DYNLT2B: variants seen among roughly 807,000 people sequenced by gnomAD.
The protein encoded by DYNLT2B is dynein light chain Tctex-type protein 2B.
DYNLT2B carries 14 observed loss-of-function variants against 19.5 expected under a neutral mutation model. The observed-to-expected ratio is 0.72, with a 90% CI of 0.47 to 1.12. DYNLT2B has a LOEUF of 1.12. DYNLT2B is among the 50% of genes most tolerant of loss of function. The pLI, the probability that DYNLT2B is intolerant of heterozygous loss-of-function variation, is 0.00. For missense variants in DYNLT2B, 133 were observed against 174.7 expected, an observed-to-expected ratio of 0.76 and a Z score of 1.35; for synonymous variants, 70 against 59.7, an observed-to-expected ratio of 1.17 and a Z score of -0.79.
intron 4 of DYNLT2B, 35 bp from the exon 5 acceptor site, chr3:196,291,409 A>G (rs756062545): frequency 1.9e-6 from 3 of 1,595,444 alleles, no homozygotes; most frequent in Non-Finnish European, 2.6e-6. Flanking sequence ...ACACATCCAG[A>G]ATGTTAGTAC....
At position 196,314,836 on chromosome 3, in the gene DYNLT2B, C is replaced by CA. The variant is rs902609745; in HGVS notation, c.247+1261dup. 6.4e-3 allele frequency among the ~76,000 whole-genome samples: 959 copies of CA among 148,890 alleles called. 16 individuals are homozygous for CA. The highest frequency in any genetic ancestry group is 0.021 in the African/African-American group (840 of 40,536). On this transcript the variant is annotated intron_variant, in intron 2 of 4. Coordinates refer to ENST00000325318, the MANE Select transcript of DYNLT2B (RefSeq NM_152773.5). ...ACCCTATTTCAAAAACAAAACAAAA[C>CA]AAAAAAAAACAAAACAATCAGAGAG...
rs573467978 is a variant in DYNLT2B at position 196,318,203 on chromosome 3, G to A, written c.-51C>T. ...GCTCGCGATGAAGGCCTAGCGGGTT[G>A]CGGTCGCGGCCGGCAGCAGGGAAAG... On this transcript the variant is annotated 5_prime_UTR_variant, in exon 1 of 5. Transcript: ENST00000325318. 2 of 1,146,358 alleles carry A rather than the reference G, an allele frequency of 1.7e-6. No individual in the cohort carries two copies. The highest frequency in any genetic ancestry group is 3.2e-5 in the African/African-American group (2 of 61,866). 71.0% of individuals were successfully genotyped at this position (1,146,358 alleles called of 1,614,324 possible).
At chr3:196,292,467 G>T (rs1726114944) in intron 4 of DYNLT2B, 1 of 152,108 alleles carries the variant, frequency 6.6e-6, no homozygotes, top group Non-Finnish European at 1.5e-5. Flanking sequence ...TTAACTTCCG[G>T]TCCTTCATGG....
chr3:196,307,129 G>A lies in DYNLT2B; in HGVS notation c.248-117C>T, dbSNP rs1222256554. On this transcript the variant is annotated intron_variant, in intron 2 of 4. Transcript: ENST00000325318. ...AATCCACAAGTACTTAATGAATATG[G>A]TGGTAAGCTTGGGGGTCAGGAGGAC... The A allele has an allele frequency of 3.6e-6, 3 of 839,036 alleles. No homozygotes were observed. The South Asian group carries it at 4.7e-5, about 13-fold the overall frequency. 52.0% of individuals were successfully genotyped at this position (839,036 alleles called of 1,614,324 possible). A position where few individuals can be genotyped will look rare whatever the true frequency, so the allele number is the denominator to read the frequency against.
chr3:196,312,071 G>T (rs1726657751), intron 2 of DYNLT2B, among the ~76,000 whole-genome samples: 1 of 152,136 alleles, frequency 6.6e-6, no homozygotes, highest in Non-Finnish European at 1.5e-5. Context: ...GTAGAGACAG[G>T]GTTTCTCCAT....
intron 1 of DYNLT2B, among the ~76,000 whole-genome samples, chr3:196,317,400 G>GTGTGTA: frequency 2.5e-5 from 1 of 40,730 alleles, no homozygotes; most frequent in Non-Finnish European, 4.8e-5. Flanking sequence ...GTGTGTGTGT[G>GTGTGTA]TAAAGTTAGT....
intron 3 of DYNLT2B, among the ~76,000 whole-genome samples, chr3:196,299,370 C>A (rs1157501913): frequency 6.6e-6 from 1 of 151,956 alleles, no homozygotes; most frequent in Non-Finnish European, 1.5e-5. Context: ...CAGGCATGAG[C>A]CACTGTGCTT....
At chr3:196,315,247 GTTTTA>G (rs1280540246) in intron 2 of DYNLT2B, 1 of 408,880 alleles carries the variant, frequency 2.4e-6, no homozygotes, top group Non-Finnish European at 4.7e-6. Flanking sequence ...TAATAGAGAT[GTTTTA>G]TTTTTTTATT....
chr3:196,296,338 T>C (rs1469834255), intron 3 of DYNLT2B: 2 of 345,570 alleles, frequency 5.8e-6, no homozygotes, highest in African/African-American at 4.2e-5. Flanking sequence ...GCTACAGGGA[T>C]CAATACTAGA....
chr3:196,300,119 G>C (rs910257707), intron 3 of DYNLT2B, among the ~76,000 whole-genome samples: 2 of 152,088 alleles, frequency 1.3e-5, no homozygotes, highest in Non-Finnish European at 2.9e-5. Context: ...CGAGGAAATG[G>C]ATTCAGTCTT....
chr3:196,293,894 C>T (rs191562581), intron 4 of DYNLT2B, among the ~76,000 whole-genome samples: 257 of 151,086 alleles, frequency 1.7e-3, no homozygotes, highest in African/African-American at 5.9e-3. Flanking sequence ...CCGCCCGCCT[C>T]GGCCTCCCAG....
chr3:196,315,600 C>T (rs1419274354), intron 2 of DYNLT2B, among the ~76,000 whole-genome samples: 9 of 151,192 alleles, frequency 6.0e-5, no homozygotes, highest in African/African-American at 1.5e-4. Context: ...CGGCTGGGCG[C>T]GGTGGCTCAT....
intron 4 of DYNLT2B, among the ~76,000 whole-genome samples, chr3:196,294,171 G>T (rs1188782758): frequency 6.6e-6 from 1 of 151,872 alleles, no homozygotes; most frequent in Non-Finnish European, 1.5e-5. Flanking sequence ...AACCGACATG[G>T]AGAAACCCTG....
Position 196,295,732 on chromosome 3 carries a change from TTTAAATAATATGCTAA to T in DYNLT2B, c.381+258_381+273del, listed in dbSNP as rs1242655064. Among the ~76,000 whole-genome samples, 8 of 152,318 alleles carry T rather than the reference TTTAAATAATATGCTAA, an allele frequency of 5.3e-5. No individual in the cohort carries two copies. The South Asian group carries it at 8.3e-4, about 16-fold the overall frequency. On this transcript the variant is annotated intron_variant, in intron 4 of 4. Transcript: ENST00000325318. ...ATGGAGGAAGTGGCTAAAAATAATG[TTTAAATAATATGCTAA>T]CTAAATAATATGCTATTCAGAAATT...
intron 4 of DYNLT2B, among the ~76,000 whole-genome samples, chr3:196,293,035 GTA>G (rs1726133251): frequency 6.6e-6 from 1 of 152,116 alleles, no homozygotes; most frequent in African/African-American, 2.4e-5. Flanking sequence ...TGTATTTTTA[GTA>G]GAGATGGGGT....
intron 2 of DYNLT2B, among the ~76,000 whole-genome samples, chr3:196,313,573 TAATG>T (rs1275401047): frequency 2.6e-5 from 4 of 152,200 alleles, no homozygotes; most frequent in African/African-American, 7.2e-5. Context: ...AAATTTTGTA[TAATG>T]AATGTGTACC....
At chr3:196,307,318 T>C (rs1017311083) in intron 2 of DYNLT2B, among the ~76,000 whole-genome samples, 2 of 152,184 alleles carry the variant, frequency 1.3e-5, no homozygotes, top group Admixed American at 6.6e-5. Flanking sequence ...TGTTTTGTTT[T>C]TGAGATGGAT....
At chr3:196,315,799 G>A (rs1726772837) in intron 2 of DYNLT2B, among the ~76,000 whole-genome samples, 1 of 152,122 alleles carries the variant, frequency 6.6e-6, no homozygotes, top group Admixed American at 6.5e-5. Context: ...TTGAACCCGG[G>A]AGGCGGAGTT....
chr3:196,307,663 C>T (rs1726527528), intron 2 of DYNLT2B, among the ~76,000 whole-genome samples: 1 of 152,080 alleles, frequency 6.6e-6, no homozygotes, highest in African/African-American at 2.4e-5. Flanking sequence ...TTCAATAAAC[C>T]TTAGCTTCCT....
Sources: gnomAD v4.1 joint callset for allele counts (sites outside exome capture counted in the v4.1 genomes callset) on GRCh38, gnomAD v4.1.1 for gene constraint, MANE v1.5 for transcripts, NCBI Gene and HGNC (gene_info 2026-07-23, HGNC 2026-07-21) for gene names.